MACF1: variants seen among roughly 807,000 people sequenced by gnomAD.
MACF1 encodes the protein microtubule-actin cross-linking factor 1.
MACF1 carries 193 observed loss-of-function variants against 854.8 expected under a neutral mutation model. The ratio of observed to expected loss-of-function variants is 0.23; its 90% CI spans 0.20 to 0.25. The LOEUF is 0.25. Among genes scored for constraint, MACF1 ranks in the 10% least tolerant of loss-of-function variants. The pLI is 1.00. For synonymous variants in MACF1, 3,185 were observed against 3,226.7 expected, an observed-to-expected ratio of 0.99 and a Z score of 0.44; for missense variants, 7,722 against 8,929.1, an observed-to-expected ratio of 0.86 and a Z score of 5.45.
At chr1:39,355,294 G>C (rs1212826454) in intron 44 of MACF1, among the ~76,000 whole-genome samples, 1 of 152,140 alleles carries the variant, frequency 6.6e-6, no homozygotes, top group Admixed American at 6.5e-5. Context: ...ACCTAATGAA[G>C]TGGTATCTCC....
At chr1:39,321,626 T>C (rs1405981644) in intron 31 of MACF1, among the ~76,000 whole-genome samples, 2 of 152,200 alleles carry the variant, frequency 1.3e-5, no homozygotes, top group African/African-American at 2.4e-5. Flanking sequence ...AGCGGTGAGA[T>C]TGGGGCCAAC....
intron 52 of MACF1, among the ~76,000 whole-genome samples, chr1:39,375,305 CTT>C: frequency 6.9e-6 from 1 of 145,592 alleles, no homozygotes. Flanking sequence ...TTCTTTCTTT[CTT>C]TTTTTTTTTC....
intron 15 of MACF1, among the ~76,000 whole-genome samples, chr1:39,291,222 CTG>C (rs1645778716): frequency 6.6e-6 from 1 of 152,160 alleles, no homozygotes; most frequent in Non-Finnish European, 1.5e-5. Context: ...GGTGATCCAC[CTG>C]CCTCAGCCCC....
At position 39,479,901 on chromosome 1, in the gene MACF1, A is replaced by G; in HGVS notation, c.22062A>G (p.Pro7354=). ...PFRSRGRRSK[P]SSRAASPTRS... ...GCTCACGGGGTCGAAGGTCCAAACC[A>G]TCTTCCCGGGCAGCTTCCCCTACTC... The change falls in exon 98 of 101, where the codon CCA becomes CCG. Residue 7354 remains proline (P), a synonymous_variant. Transcript: ENST00000564288. 2 of 1,614,186 alleles carry G rather than the reference A, an allele frequency of 1.2e-6. No individual in the cohort carries two copies. Among genetic ancestry groups the G allele is most frequent in the Non-Finnish European group, 1.7e-6 (2 of 1,180,024 alleles).
At chr1:39,353,744 TC>T in intron 44 of MACF1, among the ~76,000 whole-genome samples, 1 of 152,176 alleles carries the variant, frequency 6.6e-6, no homozygotes, top group Admixed American at 6.5e-5. Context: ...TTTCCTTTAT[TC>T]CCACTTCATT....
intron 21 of MACF1, chr1:39,299,285 T>G (rs775735518): frequency 2.2e-6 from 1 of 456,258 alleles, no homozygotes; most frequent in South Asian, 1.5e-5. Flanking sequence ...TTCTTTTTCT[T>G]TACTTGCATA....
chr1:39,447,619 T>C (rs1644255685), intron 81 of MACF1, 32 bp downstream of exon 81: 1 of 1,613,528 alleles, frequency 6.2e-7, no homozygotes. Flanking sequence ...TGCATTCTTT[T>C]TGAAAGCACT....
chr1:39,468,909 A>C (rs185380596), intron 96 of MACF1, among the ~76,000 whole-genome samples, 177 bp downstream of exon 96: 1 of 152,320 alleles, frequency 6.6e-6, no homozygotes, highest in African/African-American at 2.4e-5. Context: ...GCCAGGGAGA[A>C]AAAGCTGAAG....
intron 6 of MACF1, among the ~76,000 whole-genome samples, chr1:39,259,653 G>A (rs562717558): frequency 1.7e-4 from 26 of 149,898 alleles, no homozygotes; most frequent in African/African-American, 5.4e-4. Context: ...ACGGAATTTC[G>A]CTCTTGTTGC....
chr1:39,471,679 C>A (rs1644780283), intron 97 of MACF1, among the ~76,000 whole-genome samples: 2 of 152,128 alleles, frequency 1.3e-5, no homozygotes, highest in Non-Finnish European at 2.9e-5. Flanking sequence ...AAAAAAAGTG[C>A]TCCTGCCTAA....
intron 2 of MACF1, among the ~76,000 whole-genome samples, chr1:39,155,650 G>A (rs764573520): frequency 6.6e-6 from 1 of 152,164 alleles, no homozygotes; most frequent in Non-Finnish European, 1.5e-5. Flanking sequence ...TATTTTTATA[G>A]GGAAAAGTAT....
In MACF1 at chr1:39,336,156, A is replaced by G. The variant is rs763857452; in HGVS notation, c.9568A>G (p.Thr3190Ala). Residue 3190 changes from threonine to alanine, a missense_variant, in exon 37 of 101, where the codon ACA becomes GCA. Thr to Ala is a moderately conservative substitution (Grantham distance 58, BLOSUM62 0). This residue lies in a region of MACF1 where 854 missense variants were observed against 852.6 expected (regional missense o/e 1.00). Coordinates refer to ENST00000564288, the MANE Select transcript of MACF1 (RefSeq NM_001394062.1). ...PARGLKLEEI[T>A]VSRPDSKEVR... ...AAGAGGTCTTAAATTGGAAGAAATCACAGTTTCTAGACCAGATTCAAAAGA... is the reference window on the plus strand; with the variant it reads ...AAGAGGTCTTAAATTGGAAGAAATCGCAGTTTCTAGACCAGATTCAAAAGA... 62 of 1,614,074 alleles carry G rather than the reference A, an allele frequency of 3.8e-5. No homozygotes were observed. The highest frequency in any genetic ancestry group is 1.1e-4 in the African/African-American group (8 of 74,942).
intron 90 of MACF1, 161 bp downstream of exon 90, chr1:39,458,651 A>C (rs1216873656): frequency 6.2e-5 from 53 of 856,596 alleles, no homozygotes; most frequent in Non-Finnish European, 8.1e-5. Context: ...TTACATTGAC[A>C]GACAGTAGCT....
At chr1:39,427,256 A>G (rs1479634812) in intron 61 of MACF1, among the ~76,000 whole-genome samples, 199 bp from the exon 62 acceptor site, 1 of 152,218 alleles carries the variant, frequency 6.6e-6, no homozygotes, top group African/African-American at 2.4e-5. Flanking sequence ...TGTCCACCTT[A>G]CAAGGTTATG....
At chr1:39,114,547 C>T (rs1380135483) in intron 2 of MACF1, among the ~76,000 whole-genome samples, 6 of 151,704 alleles carry the variant, frequency 4.0e-5, no homozygotes. Context: ...GCTATGATCA[C>T]GCCATTGCAC....
chr1:39,217,626 C>T (rs72637905), intron 1 of MACF1, among the ~76,000 whole-genome samples: 24,268 of 152,106 alleles, frequency 0.16, 2,416 homozygotes, highest in Middle Eastern at 0.22. Context: ...TGCCTATAAT[C>T]GCAGCACTTT....
At chr1:39,255,052 G>A (rs1014543157) in intron 5 of MACF1, among the ~76,000 whole-genome samples, 2 of 152,032 alleles carry the variant, frequency 1.3e-5, no homozygotes, top group African/African-American at 4.8e-5. Context: ...TACTAGTCCA[G>A]TTTCTTATTA....
At chr1:39,397,701 T>A (rs1642329162) in intron 58 of MACF1, among the ~76,000 whole-genome samples, 1 of 152,232 alleles carries the variant, frequency 6.6e-6, no homozygotes, top group East Asian at 1.9e-4. Context: ...GACTCGCTCA[T>A]GTAATTTATT....
chr1:39,418,578 C>A (rs1328705539), intron 58 of MACF1, among the ~76,000 whole-genome samples: 4 of 152,210 alleles, frequency 2.6e-5, no homozygotes, highest in Non-Finnish European at 4.4e-5. Context: ...AATGCAATAA[C>A]AAGGCTGGAT....
Sources: allele counts gnomAD v4.1 joint callset (sites outside exome capture counted in the v4.1 genomes callset), GRCh38; gene constraint gnomAD v4.1.1; regional missense constraint gnomAD v4.1.1; transcripts MANE v1.5; gene names NCBI Gene and HGNC (gene_info 2026-07-23, HGNC 2026-07-21).